Variants in VPS13B observed in about 807,000 individuals in gnomAD.
The protein encoded by VPS13B is intermembrane lipid transfer protein VPS13B.
Under a neutral mutation model 426.4 loss-of-function variants are expected in VPS13B, and 285 were observed. The ratio of observed to expected loss-of-function variants is 0.67; its 90% CI spans 0.61 to 0.74. The LOEUF (loss-of-function observed/expected upper bound fraction) is 0.74. VPS13B is among the 30% of genes least tolerant of loss of function. The probability of loss-of-function intolerance (pLI) is 0.00; values close to 1 mark genes in which losing one functional copy is unlikely to be tolerated. For synonymous variants in VPS13B, 1,676 were observed against 1,676.4 expected (o/e 1.00, Z 0.01); for missense variants, 4,537 against 4,782.6 (o/e 0.95, Z 1.51).
At chr8:99,408,134 G>A (rs1221888522) in intron 21 of VPS13B, among the ~76,000 whole-genome samples, 3 of 152,130 alleles carry the variant, frequency 2.0e-5, no homozygotes, top group Non-Finnish European at 2.9e-5. Flanking sequence ...TCATTGTAAC[G>A]ACTTTGACTA....
chr8:99,216,331 T>C (rs370871080), intron 17 of VPS13B, among the ~76,000 whole-genome samples: 2 of 152,190 alleles, frequency 1.3e-5, no homozygotes, highest in South Asian at 4.1e-4. Context: ...TAACCACTTA[T>C]TTTTCATGTC....
At position 99,437,912 on chromosome 8, in the gene VPS13B, A is replaced by G. The variant is rs530667286; in HGVS notation, c.3211-4489A>G. 8.5e-5 allele frequency among the ~76,000 whole-genome samples: 13 copies of G among 152,244 alleles called. No individual in the cohort carries two copies. The South Asian group carries it at 2.7e-3, about 32-fold the overall frequency. ...CTGATAAAATAGAAATGTGCTGGCT[A>G]GAATTTACTCCTTTCTAGGAGAACA... is the stretch of plus-strand genomic sequence containing the variant. On this transcript the variant is annotated intron_variant, in intron 22 of 61. Transcript: ENST00000357162.
At chr8:99,407,942 A>G (rs1049390443) in intron 21 of VPS13B, among the ~76,000 whole-genome samples, 8 of 152,182 alleles carry the variant, frequency 5.3e-5, no homozygotes, top group Admixed American at 2.0e-4. Flanking sequence ...GATTGAGAGA[A>G]AGGTGATGAG....
intron 39 of VPS13B, among the ~76,000 whole-genome samples, chr8:99,746,293 G>A (rs576885274): frequency 1.3e-5 from 2 of 152,162 alleles, no homozygotes; most frequent in African/African-American, 4.8e-5. Context: ...GGCAAGAGAT[G>A]TCTGCTTATT....
chr8:99,048,044 G>A (rs1001627034), intron 3 of VPS13B, among the ~76,000 whole-genome samples: 3 of 152,158 alleles, frequency 2.0e-5, no homozygotes, highest in Admixed American at 6.5e-5. Context: ...TTGATAGGTC[G>A]TGTCACAATT....
At chr8:99,729,477 C>T (rs1172121998) in intron 39 of VPS13B, among the ~76,000 whole-genome samples, 2 of 152,194 alleles carry the variant, frequency 1.3e-5, no homozygotes, top group African/African-American at 2.4e-5. Flanking sequence ...CTTTGTCTTA[C>T]AGACACACAT....
chr8:99,848,516 G>T (rs1816098316), intron 54 of VPS13B, among the ~76,000 whole-genome samples: 1 of 152,134 alleles, frequency 6.6e-6, no homozygotes, highest in African/African-American at 2.4e-5. Flanking sequence ...CAAAGAAGCA[G>T]AGAATGAAGA....
chr8:99,863,540 C>T (rs1048186380), intron 58 of VPS13B, among the ~76,000 whole-genome samples: 1 of 152,138 alleles, frequency 6.6e-6, no homozygotes, highest in African/African-American at 2.4e-5. Context: ...TCCACCCCAA[C>T]CCCCGACTCC....
intron 43 of VPS13B, chr8:99,797,049 A>G (rs1812871614): frequency 6.6e-6 from 1 of 152,206 alleles, no homozygotes; most frequent in Admixed American, 6.5e-5. Flanking sequence ...TTTGCAATGT[A>G]CCACAATAGT....
chr8:99,072,124 C>G (rs543563742), intron 3 of VPS13B, among the ~76,000 whole-genome samples: 5 of 152,124 alleles, frequency 3.3e-5, no homozygotes, highest in Non-Finnish European at 7.4e-5. Context: ...TATCCTTCCT[C>G]TCCTTCCATC....
chr8:99,410,740 T>A (rs1385657953), intron 21 of VPS13B, among the ~76,000 whole-genome samples: 1 of 151,960 alleles, frequency 6.6e-6, no homozygotes, highest in African/African-American at 2.4e-5. Flanking sequence ...TGGGGGCCAG[T>A]GTGTGATGTT....
intron 3 of VPS13B, among the ~76,000 whole-genome samples, chr8:99,088,909 A>G (rs955343294): frequency 2.6e-5 from 4 of 151,998 alleles, no homozygotes; most frequent in African/African-American, 7.3e-5. Flanking sequence ...TTCCTTTTTC[A>G]TTCCTGCAGG....
chr8:99,437,648 G>A (rs1238405841), intron 22 of VPS13B, among the ~76,000 whole-genome samples: 1 of 152,126 alleles, frequency 6.6e-6, no homozygotes, highest in Non-Finnish European at 1.5e-5. Flanking sequence ...AACCTGGGTG[G>A]TGGAGGTTGC....
intron 21 of VPS13B, among the ~76,000 whole-genome samples, chr8:99,430,172 C>T (rs1817010990): frequency 6.6e-6 from 1 of 152,054 alleles, no homozygotes; most frequent in Non-Finnish European, 1.5e-5. Context: ...GACAATATAA[C>T]TATGAGAAAG....
chr8:99,028,691 C>T (rs1412295926), intron 2 of VPS13B, among the ~76,000 whole-genome samples: 7 of 139,362 alleles, frequency 5.0e-5, no homozygotes, highest in African/African-American at 1.9e-4. Flanking sequence ...ACCTCCCTCC[C>T]GGACGGGGCG....
intron 39 of VPS13B, among the ~76,000 whole-genome samples, chr8:99,730,165 T>C (rs963327725): frequency 3.9e-5 from 6 of 152,234 alleles, no homozygotes; most frequent in African/African-American, 1.4e-4. Flanking sequence ...CACTGGCAGC[T>C]GTACTAATGT....
chr8:99,348,572 T>A lies in VPS13B; in HGVS notation c.2825-35636T>A, dbSNP rs191462726. Among the ~76,000 whole-genome samples, 37 of 152,354 alleles carry A rather than the reference T, an allele frequency of 2.4e-4. No homozygotes were observed. In the East Asian group the frequency reaches 6.2e-3, roughly 25 times the overall value. On this transcript the variant is annotated intron_variant, in intron 19 of 61. Transcript: ENST00000357162. ...TGTGGAACCATTTAAAACAACTATC[T>A]ATTCTAAAAGTCAAATATGGTGATT... is the stretch of plus-strand genomic sequence containing the variant.
intron 43 of VPS13B, among the ~76,000 whole-genome samples, chr8:99,803,592 T>A (rs1813242239): frequency 6.6e-6 from 1 of 152,190 alleles, no homozygotes; most frequent in Non-Finnish European, 1.5e-5. Context: ...CCCTCAGAAT[T>A]TTAGCATTAA....
intron 17 of VPS13B, chr8:99,234,496 C>T (rs1816530802): frequency 7.5e-6 from 4 of 535,212 alleles, no homozygotes; most frequent in Admixed American, 2.2e-5. Context: ...CTCTACACGC[C>T]GGTAGGGAAG....
Sources: gnomAD v4.1 joint callset for allele counts (sites outside exome capture counted in the v4.1 genomes callset) on GRCh38, gnomAD v4.1.1 for gene constraint, MANE v1.5 for transcripts, NCBI Gene and HGNC (gene_info 2026-07-23, HGNC 2026-07-21) for gene names.